The following UBE2E2 variants were observed in gnomAD, a reference collection of about 807,000 sequenced individuals.
UBE2E2 encodes the protein ubiquitin-conjugating enzyme E2 E2.
Under a neutral mutation model 24.7 loss-of-function variants are expected in UBE2E2, and 6 were observed. The observed-to-expected ratio is 0.24, with a 90% CI of 0.13 to 0.48. UBE2E2 has a LOEUF of 0.48. Ranked by LOEUF, UBE2E2 falls within the 20% of genes least tolerant of loss-of-function variation. The pLI is 0.99. For synonymous variants in UBE2E2, 104 were observed against 83.6 expected (o/e 1.24, Z -1.33); for missense variants, 169 against 245.0 (o/e 0.69, Z 2.07).
chr3:23,229,039 C>T (rs1696903685), intron 3 of UBE2E2, among the ~76,000 whole-genome samples: 2 of 152,178 alleles, frequency 1.3e-5, no homozygotes, highest in South Asian at 2.1e-4. Flanking sequence ...CATCACTTCT[C>T]CTGATGCTTC....
intron 3 of UBE2E2, among the ~76,000 whole-genome samples, chr3:23,328,981 T>C (rs1694988351): frequency 6.6e-6 from 1 of 152,192 alleles, no homozygotes; most frequent in African/African-American, 2.4e-5. Flanking sequence ...TTAATCTCGA[T>C]AGGCTTTTTG....
At chr3:23,211,356 C>T (rs1444217727) in intron 2 of UBE2E2, among the ~76,000 whole-genome samples, 1 of 151,476 alleles carries the variant, frequency 6.6e-6, no homozygotes, top group Non-Finnish European at 1.5e-5. Context: ...CTAGAGACAG[C>T]ATCTACGTTT....
At chr3:23,445,751 C>T (rs754790972) in intron 3 of UBE2E2, among the ~76,000 whole-genome samples, 17 of 152,264 alleles carry the variant, frequency 1.1e-4, no homozygotes, top group East Asian at 1.9e-4. Context: ...CATCATACAA[C>T]GGGTTGTTTC....
chr3:23,412,628 A>G (rs1372346676), intron 3 of UBE2E2, among the ~76,000 whole-genome samples: 1 of 152,190 alleles, frequency 6.6e-6, no homozygotes, highest in Non-Finnish European at 1.5e-5. Flanking sequence ...AAATTTGGAC[A>G]CCTGATTATT....
At chr3:23,464,211 C>T (rs1698873407) in intron 3 of UBE2E2, among the ~76,000 whole-genome samples, 1 of 152,076 alleles carries the variant, frequency 6.6e-6, no homozygotes, top group South Asian at 2.1e-4. Flanking sequence ...AAGTATTTTA[C>T]GGTAGATTGG....
intron 3 of UBE2E2, among the ~76,000 whole-genome samples, chr3:23,375,924 T>C (rs1261369463): frequency 6.6e-6 from 1 of 152,208 alleles, no homozygotes; most frequent in East Asian, 1.9e-4. Flanking sequence ...CAAAGTGCTC[T>C]AAAAATTTCA....
chr3:23,242,883 C>T (rs1697293815), intron 3 of UBE2E2, among the ~76,000 whole-genome samples: 1 of 151,974 alleles, frequency 6.6e-6, no homozygotes, highest in Non-Finnish European at 1.5e-5. Flanking sequence ...GTCAGGAGTT[C>T]GAGACCTGCC....
intron 3 of UBE2E2, among the ~76,000 whole-genome samples, chr3:23,465,249 A>G (rs1698897107): frequency 6.6e-6 from 1 of 152,230 alleles, no homozygotes; most frequent in East Asian, 1.9e-4. Flanking sequence ...AAAACCACAC[A>G]GCTAATAAGT....
rs1454565987 is a variant in UBE2E2 at position 23,467,977 on chromosome 3, T to A, written c.228-31631T>A. Among the ~76,000 whole-genome samples the A allele has an allele frequency of 2.0e-5, 3 of 152,104 alleles. No individual in the cohort carries two copies. In the East Asian group the frequency reaches 5.8e-4, roughly 29 times the overall value. On this transcript the variant is annotated intron_variant, in intron 3 of 5. Coordinates refer to ENST00000396703, the MANE Select transcript of UBE2E2 (RefSeq NM_152653.4). Reference sequence around the variant, plus strand: ...TATCACAAGGACAGGAAGGGGGAAGTCTGCCCCCATGATTCAGTCATCTCC... The same window carrying A: ...TATCACAAGGACAGGAAGGGGGAAGACTGCCCCCATGATTCAGTCATCTCC...
At chr3:23,429,934 G>T (rs1200671562) in intron 3 of UBE2E2, among the ~76,000 whole-genome samples, 1 of 152,172 alleles carries the variant, frequency 6.6e-6, no homozygotes, top group Non-Finnish European at 1.5e-5. Context: ...AGGCTGGAAT[G>T]CAGTGGCACG....
At chr3:23,555,246 C>T (rs887466197) in intron 5 of UBE2E2, among the ~76,000 whole-genome samples, 1 of 152,054 alleles carries the variant, frequency 6.6e-6, no homozygotes, top group African/African-American at 2.4e-5. Context: ...CCAAAGATGA[C>T]ATTAAAATGG....
intron 3 of UBE2E2, among the ~76,000 whole-genome samples, chr3:23,482,190 G>T (rs1699272963): frequency 1.3e-5 from 2 of 152,152 alleles, no homozygotes; most frequent in African/African-American, 2.4e-5. Context: ...CCTTTCATTT[G>T]CTTCCTTTTG....
chr3:23,432,111 A>G (rs1698075207), intron 3 of UBE2E2, among the ~76,000 whole-genome samples: 1 of 152,200 alleles, frequency 6.6e-6, no homozygotes. Context: ...TTTTTCATTA[A>G]TTTCTCTTTC....
At chr3:23,429,360 CAT>C in intron 3 of UBE2E2, among the ~76,000 whole-genome samples, 1 of 152,278 alleles carries the variant, frequency 6.6e-6, no homozygotes, top group East Asian at 1.9e-4. Flanking sequence ...CAAAAAATTT[CAT>C]ATAATAGGCG....
intron 5 of UBE2E2, among the ~76,000 whole-genome samples, chr3:23,564,767 A>G (rs990306386): frequency 1.3e-5 from 2 of 152,158 alleles, no homozygotes; most frequent in South Asian, 2.1e-4. Flanking sequence ...CCAGGTTTCT[A>G]CAACTCATGT....
intron 3 of UBE2E2, among the ~76,000 whole-genome samples, chr3:23,410,434 AGAGT>A (rs2125380432): frequency 6.6e-6 from 1 of 152,300 alleles, no homozygotes; most frequent in South Asian, 2.1e-4. Flanking sequence ...GAGTAAAGAT[AGAGT>A]GAGAGAGAAC....
At chr3:23,303,463 G>A (rs1033312588) in intron 3 of UBE2E2, among the ~76,000 whole-genome samples, 2 of 151,914 alleles carry the variant, frequency 1.3e-5, no homozygotes, top group Non-Finnish European at 2.9e-5. Flanking sequence ...CCTCACTACT[G>A]CTTTTATTTA....
chr3:23,293,015 G>T (rs762994717), intron 3 of UBE2E2, among the ~76,000 whole-genome samples: 1 of 152,218 alleles, frequency 6.6e-6, no homozygotes, highest in Non-Finnish European at 1.5e-5. Context: ...GGAGATTGCA[G>T]TGAGCCAAGA....
chr3:23,590,015 C>T lies in UBE2E2; in HGVS notation c.*184C>T. 3.7e-6 allele frequency: 2 copies of T among 537,758 alleles called. No individual in the cohort carries two copies. Among genetic ancestry groups the T allele is most frequent in the Non-Finnish European group, 6.7e-6 (2 of 299,806 alleles). The allele number at this position is 537,758 out of a possible 1,614,324, so 33.3% of individuals were successfully genotyped here. ...TCTTCCTGCCCCCCTTCCTCTCTCC[C>T]ACGCTCTCTTTTATCTCTCATTTTA... On this transcript the variant is annotated 3_prime_UTR_variant, in exon 6 of 6. Coordinates refer to ENST00000396703, the MANE Select transcript of UBE2E2 (RefSeq NM_152653.4).
Sources: gnomAD v4.1 joint callset for allele counts (sites outside exome capture counted in the v4.1 genomes callset) on GRCh38, gnomAD v4.1.1 for gene constraint, MANE v1.5 for transcripts, NCBI Gene and HGNC (gene_info 2026-07-23, HGNC 2026-07-21) for gene names.